Variants in OR9Q1 observed in about 807,000 individuals in gnomAD.
The protein encoded by OR9Q1 is olfactory receptor family 9 subfamily Q member 1, also known as olfactory receptor 9Q1.
For synonymous variants in OR9Q1, 153 were observed against 148.6 expected (o/e 1.03, Z -0.22); for missense variants, 374 against 378.8 (o/e 0.99, Z 0.11).
intron 2 of OR9Q1, among the ~76,000 whole-genome samples, chr11:58,136,162 A>G (rs931627460): frequency 1.3e-5 from 2 of 152,128 alleles, no homozygotes; most frequent in African/African-American, 4.8e-5. Flanking sequence ...TAGGTAACTA[A>G]TGTGGGGGAA....
chr11:58,086,978 A>C (rs1045347663), intron 2 of OR9Q1, among the ~76,000 whole-genome samples: 2 of 151,830 alleles, frequency 1.3e-5, no homozygotes, highest in African/African-American at 4.9e-5. Context: ...TAGATTTCAA[A>C]ATTGCTTTAA....
chr11:58,031,507 C>T (rs944650143), intron 1 of OR9Q1: 1 of 1,614,124 alleles, frequency 6.2e-7, no homozygotes, highest in Admixed American at 1.7e-5. Context: ...CCTGTGATGC[C>T]TCACCCTTGC....
intron 2 of OR9Q1, chr11:58,118,808 C>T (rs113763198): frequency 0.01 from 16,731 of 1,614,022 alleles, 118 homozygotes; most frequent in Non-Finnish European, 0.013. Flanking sequence ...ATCAGGATGA[C>T]GGAGGCATTG....
At chr11:58,121,148 A>T (rs1317198851) in intron 2 of OR9Q1, among the ~76,000 whole-genome samples, 1 of 145,590 alleles carries the variant, frequency 6.9e-6, no homozygotes, top group Non-Finnish European at 1.5e-5. Flanking sequence ...TCAAACATCA[A>T]GTCAAATAAA....
At chr11:58,042,223 A>G (rs1853172227) in intron 1 of OR9Q1, among the ~76,000 whole-genome samples, 1 of 152,046 alleles carries the variant, frequency 6.6e-6, no homozygotes, top group African/African-American at 2.4e-5. Context: ...TTCTTATTTG[A>G]TCTCTTTCCT....
At position 58,053,138 on chromosome 11, in the gene OR9Q1, A is replaced by C. The variant is rs1006621074; in HGVS notation, c.-92-2732A>C. Among the ~76,000 whole-genome samples the C allele has an allele frequency of 2.6e-3, 393 of 151,914 alleles. 7 individuals carry two copies. The highest frequency in any genetic ancestry group is 0.024 in the Admixed American group (365 of 15,214). On this transcript the variant is annotated intron_variant, in intron 1 of 2. Transcript: ENST00000335397. ...GACTATAAATCATGCTGCTATAAAG[A>C]CACATGCACACGTATGCTATTGTGG...
chr11:58,118,488 T>A, intron 2 of OR9Q1: 1 of 1,541,248 alleles, frequency 6.5e-7, no homozygotes, highest in Middle Eastern at 1.9e-4. Context: ...CAAGAATTCC[T>A]CTTACTTAGA....
At chr11:58,056,071 T>C (rs1285326013) in intron 2 of OR9Q1, 124 bp downstream of exon 2, 1 of 152,200 alleles carries the variant, frequency 6.6e-6, no homozygotes, top group Non-Finnish European at 1.5e-5. Flanking sequence ...TTTGACTTTA[T>C]TTCTAAAACT....
intron 2 of OR9Q1, among the ~76,000 whole-genome samples, chr11:58,121,466 T>A (rs1272820672): frequency 6.6e-6 from 1 of 152,128 alleles, no homozygotes; most frequent in African/African-American, 2.4e-5. Context: ...ACAGGTGACA[T>A]TAGTTTGTTT....
chr11:58,089,893 T>C (rs1212239730), intron 2 of OR9Q1, among the ~76,000 whole-genome samples: 1 of 151,920 alleles, frequency 6.6e-6, no homozygotes, highest in Admixed American at 6.5e-5. Flanking sequence ...TTCCTAGGTA[T>C]TTGATTCTCT....
chr11:58,151,042 C>A (rs992577546), intron 2 of OR9Q1, among the ~76,000 whole-genome samples: 1 of 152,110 alleles, frequency 6.6e-6, no homozygotes, highest in East Asian at 1.9e-4. Context: ...GTCATTTTAG[C>A]CTTTATGTTT....
chr11:58,114,743 A>G (rs1200338075), intron 2 of OR9Q1, among the ~76,000 whole-genome samples: 1 of 152,182 alleles, frequency 6.6e-6, no homozygotes, highest in African/African-American at 2.4e-5. Context: ...TTGTGGTTTA[A>G]TACTTTGACA....
At chr11:58,053,992 C>A (rs1005799823) in intron 1 of OR9Q1, among the ~76,000 whole-genome samples, 1 of 152,124 alleles carries the variant, frequency 6.6e-6, no homozygotes, top group Non-Finnish European at 1.5e-5. Flanking sequence ...TTTCCCCTCA[C>A]CCTCCCACAC....
intron 2 of OR9Q1, among the ~76,000 whole-genome samples, chr11:58,153,376 G>A (rs1332052884): frequency 3.9e-5 from 6 of 152,088 alleles, no homozygotes; most frequent in Admixed American, 6.5e-5. Flanking sequence ...CCCTTTCCCC[G>A]GGAGTGCTCA....
rs552655649 is a variant in OR9Q1 at position 58,047,128 on chromosome 11, A to G, written c.-92-8742A>G. 2.6e-5 allele frequency: 4 copies of G among 152,336 alleles called. No homozygotes were observed. In the South Asian group the frequency reaches 8.3e-4, roughly 32 times the overall value. 9.4% of individuals were successfully genotyped at this position (152,336 alleles called of 1,614,324 possible). On this transcript the variant is annotated intron_variant, in intron 1 of 2. Transcript: ENST00000335397. Reference sequence around the variant, plus strand: ...TCATTAGTTATCTTTGCCTTTAGCAAGGTCCCTAATTTTGGGAGCCAGGGA... The same window carrying G: ...TCATTAGTTATCTTTGCCTTTAGCAGGGTCCCTAATTTTGGGAGCCAGGGA...
At chr11:58,091,966 T>G (rs1853688160) in intron 2 of OR9Q1, among the ~76,000 whole-genome samples, 1 of 149,502 alleles carries the variant, frequency 6.7e-6, no homozygotes, top group South Asian at 2.1e-4. Context: ...TTGCAACCCT[T>G]GCCTTTTTTT....
In OR9Q1 at chr11:58,055,881, C is replaced by G. The variant is rs975831; in HGVS notation, c.-81C>G. 147,358 of 151,952 alleles carry G rather than the reference C, an allele frequency of 0.97. 71,612 individuals are homozygous for G. The highest frequency in any genetic ancestry group is 1 in the East Asian group (5,169 of 5,170). The allele number at this position is 151,952 out of a possible 1,614,324, so 9.4% of individuals were successfully genotyped here. ...CCTTCTATCTTCAGCCATGTAAGCA[C>G]CAAGAAGACCCTTACCAGACACTGC... On this transcript the variant is annotated 5_prime_UTR_variant, in exon 2 of 3. Transcript: ENST00000335397.
intron 1 of OR9Q1, among the ~76,000 whole-genome samples, chr11:58,048,345 T>C (rs919895019): frequency 2.6e-5 from 4 of 152,120 alleles, no homozygotes. Context: ...AATATCACAC[T>C]GTATCTCATG....
chr11:58,066,181 C>T (rs564135784), intron 2 of OR9Q1, among the ~76,000 whole-genome samples: 5 of 152,148 alleles, frequency 3.3e-5, no homozygotes, highest in South Asian at 4.2e-4. Context: ...GTGGCTGCTC[C>T]GGAGGCTGCT....
Sources: allele counts gnomAD v4.1 joint callset (sites outside exome capture counted in the v4.1 genomes callset), GRCh38; gene constraint gnomAD v4.1.1; transcripts MANE v1.5; gene names NCBI Gene and HGNC (gene_info 2026-07-23, HGNC 2026-07-21).